The following CNTNAP2 variants were observed in gnomAD, a reference collection of about 807,000 sequenced individuals.
CNTNAP2 encodes the protein contactin associated protein 2.
CNTNAP2 carries 98 observed loss-of-function variants against 155.2 expected under a neutral mutation model. The ratio of observed to expected loss-of-function variants is 0.63; its 90% CI spans 0.54 to 0.75. The LOEUF (loss-of-function observed/expected upper bound fraction) is 0.75, where lower values mean the gene tolerates loss of function less well. Among genes scored for constraint, CNTNAP2 ranks in the 30% least tolerant of loss-of-function variants. The probability of loss-of-function intolerance (pLI) is 0.00; values close to 1 mark genes in which losing one functional copy is unlikely to be tolerated. For synonymous variants in CNTNAP2, 651 were observed against 631.2 expected (o/e 1.03, Z -0.47); for missense variants, 1,727 against 1,688.1 (o/e 1.02, Z -0.40).
At chr7:147,932,165 C>T (rs1800518341) in intron 14 of CNTNAP2, among the ~76,000 whole-genome samples, 1 of 152,138 alleles carries the variant, frequency 6.6e-6, no homozygotes, top group Non-Finnish European at 1.5e-5. Context: ...AACTTACAGG[C>T]ATGAGCCACT....
rs563773921 is a variant in CNTNAP2 at position 146,479,729 on chromosome 7, T to C, written c.98-294542T>C. On this transcript the variant is annotated intron_variant, in intron 1 of 23. Transcript: ENST00000361727. ...AAAAAACTTGTTTCAAGTTAATGAC[T>C]TTTAGAGGAATGCAATTAAGTGGGT... Among the ~76,000 whole-genome samples the C allele has an allele frequency of 1.2e-4, 18 of 152,122 alleles. No homozygotes were observed. The South Asian group carries it at 3.7e-3, about 32-fold the overall frequency.
chr7:146,467,817 A>T (rs940794855), intron 1 of CNTNAP2, among the ~76,000 whole-genome samples: 1 of 152,186 alleles, frequency 6.6e-6, no homozygotes, highest in Non-Finnish European at 1.5e-5. Flanking sequence ...ATTACTTAGC[A>T]CAAAGTTATA....
intron 13 of CNTNAP2, among the ~76,000 whole-genome samples, chr7:147,798,600 C>T (rs1797938814): frequency 1.3e-5 from 2 of 152,178 alleles, no homozygotes; most frequent in African/African-American, 4.8e-5. Flanking sequence ...AGAAACTCCA[C>T]TCTTACTTAG....
At chr7:146,238,217 A>G (rs866779248) in intron 1 of CNTNAP2, among the ~76,000 whole-genome samples, 1 of 152,188 alleles carries the variant, frequency 6.6e-6, no homozygotes. Flanking sequence ...TCAAGGATTG[A>G]GAGTACAACT....
intron 13 of CNTNAP2, among the ~76,000 whole-genome samples, chr7:147,860,512 C>G (rs924355063): frequency 6.7e-6 from 1 of 150,238 alleles, no homozygotes; most frequent in African/African-American, 2.4e-5. Context: ...ATCACTTGAA[C>G]CCAGGAGGCA....
intron 1 of CNTNAP2, among the ~76,000 whole-genome samples, chr7:146,465,817 A>G (rs1194193216): frequency 2.0e-5 from 3 of 152,194 alleles, no homozygotes; most frequent in Non-Finnish European, 2.9e-5. Context: ...GTTTTTTTAT[A>G]TGATTCTTTG....
intron 13 of CNTNAP2, among the ~76,000 whole-genome samples, chr7:147,725,939 G>A (rs1242536636): frequency 6.6e-6 from 1 of 151,908 alleles, no homozygotes; most frequent in Non-Finnish European, 1.5e-5. Flanking sequence ...TTCCTGACTG[G>A]TGAAAGCTTT....
chr7:147,851,689 T>C, intron 13 of CNTNAP2, among the ~76,000 whole-genome samples: 1 of 140,980 alleles, frequency 7.1e-6, no homozygotes, highest in East Asian at 2.1e-4. Flanking sequence ...GTGTTCTCAC[T>C]CATAGGCGGG....
intron 3 of CNTNAP2, among the ~76,000 whole-genome samples, chr7:147,013,928 G>T (rs1798671883): frequency 6.6e-6 from 1 of 152,128 alleles, no homozygotes; most frequent in Non-Finnish European, 1.5e-5. Flanking sequence ...GTGTTTATAT[G>T]AAGTTGTGGA....
chr7:147,877,926 C>T lies in CNTNAP2; in HGVS notation c.2099-25639C>T, dbSNP rs574492080. ...TGCTCGAATATTACCATTTAATACC[C>T]TACATTGGAGAATTAAAGCATGGTG... On this transcript the variant is annotated intron_variant, in intron 13 of 23. Coordinates refer to ENST00000361727, the MANE Select transcript of CNTNAP2 (RefSeq NM_014141.6). Among the ~76,000 whole-genome samples the T allele has an allele frequency of 7.7e-4, 118 of 152,276 alleles. 3 individuals are homozygous for T. In the South Asian group the frequency reaches 0.02, roughly 26 times the overall value.
At chr7:148,267,409 C>T (rs1211011554) in intron 21 of CNTNAP2, among the ~76,000 whole-genome samples, 1 of 151,948 alleles carries the variant, frequency 6.6e-6, no homozygotes, top group Non-Finnish European at 1.5e-5. Flanking sequence ...AATCCCAGCA[C>T]TTTGGGAGGC....
intron 8 of CNTNAP2, among the ~76,000 whole-genome samples, chr7:147,289,775 T>C (rs904213047): frequency 1.3e-5 from 2 of 152,216 alleles, no homozygotes; most frequent in East Asian, 3.9e-4. Flanking sequence ...TGCTAAAATA[T>C]TGATCTCTGT....
chr7:147,586,535 A>G (rs1305547905), intron 12 of CNTNAP2, among the ~76,000 whole-genome samples: 1 of 57,868 alleles, frequency 1.7e-5, no homozygotes, highest in African/African-American at 7.3e-5. Context: ...GGAAGGAAGG[A>G]AGGAAGGAAG....
intron 1 of CNTNAP2, among the ~76,000 whole-genome samples, chr7:146,645,921 T>C (rs1283780614): frequency 2.0e-5 from 3 of 152,184 alleles, no homozygotes; most frequent in African/African-American, 7.2e-5. Context: ...TCTTTTTTCC[T>C]GTGAGCTCTC....
chr7:148,290,189 A>G (rs573350220), intron 21 of CNTNAP2, among the ~76,000 whole-genome samples: 2 of 152,252 alleles, frequency 1.3e-5, no homozygotes, highest in Non-Finnish European at 2.9e-5. Context: ...AGGTGATAAA[A>G]TATTAAATTT....
At chr7:146,342,609 G>T (rs58811347) in intron 1 of CNTNAP2, among the ~76,000 whole-genome samples, 2 of 151,994 alleles carry the variant, frequency 1.3e-5, no homozygotes, top group Admixed American at 6.6e-5. Context: ...ATATTAAAAA[G>T]CATATCATTT....
intron 8 of CNTNAP2, among the ~76,000 whole-genome samples, chr7:147,202,586 G>T (rs971262386): frequency 6.6e-5 from 10 of 152,098 alleles, no homozygotes; most frequent in African/African-American, 2.4e-4. Flanking sequence ...GTAGGAAAAT[G>T]TGGCACATAT....
chr7:147,235,225 T>C (rs533115954), intron 8 of CNTNAP2, among the ~76,000 whole-genome samples: 3 of 152,154 alleles, frequency 2.0e-5, no homozygotes, highest in Non-Finnish European at 4.4e-5. Context: ...AGTATTAAAC[T>C]ATAGGCTTTC....
intron 17 of CNTNAP2, among the ~76,000 whole-genome samples, chr7:148,157,216 A>G (rs1397861286): frequency 6.6e-6 from 1 of 152,224 alleles, no homozygotes; most frequent in Non-Finnish European, 1.5e-5. Flanking sequence ...TTGAAACCCC[A>G]GAAAATTATT....
Sources: allele counts gnomAD v4.1 joint callset (sites outside exome capture counted in the v4.1 genomes callset), GRCh38; gene constraint gnomAD v4.1.1; transcripts MANE v1.5; gene names NCBI Gene and HGNC (gene_info 2026-07-23, HGNC 2026-07-21).